Variants in PTPRC observed in about 807,000 individuals in gnomAD.
PTPRC encodes protein tyrosine phosphatase receptor type C.
A neutral mutation model predicts 155.9 loss-of-function variants in PTPRC; 44 were observed. The ratio of observed to expected loss-of-function variants is 0.28; its 90% confidence interval spans 0.22 to 0.36. PTPRC has a LOEUF of 0.36. Among genes scored for constraint, PTPRC ranks in the 10% least tolerant of loss-of-function variants. PTPRC has a pLI of 1.00. For missense variants in PTPRC, 1,401 were observed against 1,564.6 expected (o/e 0.90, Z 1.76); for synonymous variants, 525 against 533.1 (o/e 0.98, Z 0.21).
intron 15 of PTPRC, among the ~76,000 whole-genome samples, chr1:198,726,572 G>GGTCTTACA (rs1192383467): frequency 4.6e-5 from 7 of 152,142 alleles, no homozygotes; most frequent in Non-Finnish European, 1.0e-4. Flanking sequence ...TTCAAGCTCA[G>GGTCTTACA]GTCTTACAGT....
chr1:198,754,420 CA>C lies in PTPRC; in HGVS notation c.3645+17del, dbSNP rs1571898324. On this transcript the variant is annotated intron_variant, in intron 32 of 32. Coordinates refer to ENST00000442510, the MANE Select transcript of PTPRC (RefSeq NM_002838.5). ...TTCCACATTCGTAAGTATCCTTCAC[CA>C]TTGCTTTTAACATGCTCGGAATTTT... The C allele has an allele frequency of 1.1e-5, 18 of 1,613,180 alleles. 1 individual carries two copies. In the East Asian group the frequency reaches 4.0e-4, roughly 36 times the overall value.
intron 2 of PTPRC, chr1:198,679,192 T>C: frequency 4.9e-6 from 1 of 205,130 alleles, no homozygotes. Flanking sequence ...CTCAGCCTGG[T>C]AACGCTTTCT....
chr1:198,739,278 G>C (rs144254506), intron 23 of PTPRC, among the ~76,000 whole-genome samples: 714 of 99,616 alleles, frequency 7.2e-3, no homozygotes, highest in Non-Finnish European at 0.012. Context: ...AAAATACATA[G>C]AGTGGCTGAA....
At chr1:198,642,690 A>G (rs1378683707) in intron 2 of PTPRC, among the ~76,000 whole-genome samples, 1 of 151,890 alleles carries the variant, frequency 6.6e-6, no homozygotes, top group Non-Finnish European at 1.5e-5. Context: ...CTCACCTGTA[A>G]AATTGTAATA....
intron 2 of PTPRC, among the ~76,000 whole-genome samples, chr1:198,663,108 G>A (rs941649388): frequency 6.6e-6 from 1 of 152,164 alleles, no homozygotes; most frequent in African/African-American, 2.4e-5. Flanking sequence ...ATTACCCACT[G>A]ATGAATAAAG....
rs754092059 is a variant in PTPRC at position 198,756,157 on chromosome 1, T to G, written c.3897T>G (p.Ser1299Arg). ...AACATTCTGTCAATGGTCCTGCAAG[T>G]CCAGCTTTAAATCAAGGTTCATAGG... ...GPEHSVNGPA[S>R]PALNQGS The change falls in exon 33 of 33, where the codon AGT (serine) becomes AGG (arginine). Residue 1299 changes from serine to arginine, a missense_variant. Ser to Arg is a moderately radical substitution (Grantham distance 110). Around this residue, in one of 3 missense-constraint regions of PTPRC, gnomAD observed 400 missense variants for 389.5 expected, o/e 1.03. Transcript: ENST00000442510. 4 of 1,613,274 alleles carry G rather than the reference T, an allele frequency of 2.5e-6. No homozygotes were observed. In the South Asian group the frequency reaches 3.3e-5, roughly 13 times the overall value.
At chr1:198,708,591 G>T (rs1459465890) in intron 10 of PTPRC, among the ~76,000 whole-genome samples, 1 of 152,072 alleles carries the variant, frequency 6.6e-6, no homozygotes, top group Non-Finnish European at 1.5e-5. Flanking sequence ...TGAAAGAAGG[G>T]TGTTATAAGG....
Position 198,649,388 on chromosome 1 carries a change from G to A in PTPRC, c.73+10047G>A, listed in dbSNP as rs566704296. On this transcript the variant is annotated intron_variant, in intron 2 of 32. Coordinates refer to ENST00000442510, the MANE Select transcript of PTPRC (RefSeq NM_002838.5). The stretch of plus-strand genomic sequence containing the variant: ...TAATGGCTAAGGAAACATAAATGAA[G>A]CATAAGACATCAGTTGAGAGTTTTG... Among the ~76,000 whole-genome samples the A allele has an allele frequency of 4.6e-5, 7 of 152,000 alleles. 1 individual carries two copies. The highest frequency in any genetic ancestry group is 2.6e-4 in the Admixed American group (4 of 15,206).
At chr1:198,659,130 G>A (rs1037757196) in intron 2 of PTPRC, among the ~76,000 whole-genome samples, 1 of 151,932 alleles carries the variant, frequency 6.6e-6, no homozygotes, top group African/African-American at 2.4e-5. Flanking sequence ...CTTTTTTTAA[G>A]GTTAGAACTC....
At chr1:198,696,260 C>CCTA (rs1040552649) in intron 3 of PTPRC, among the ~76,000 whole-genome samples, 2 of 150,548 alleles carry the variant, frequency 1.3e-5, no homozygotes, top group African/African-American at 4.9e-5. Context: ...CCCCTGGAAC[C>CCTA]CTAGCCCTGC....
At chr1:198,732,228 A>C (rs1654423156) in intron 18 of PTPRC, 72 bp from the exon 19 acceptor site, 1 of 1,193,314 alleles carries the variant, frequency 8.4e-7, no homozygotes, top group Non-Finnish European at 1.2e-6. Context: ...ATTTACTCAA[A>C]ACGGTCATTG....
intron 2 of PTPRC, among the ~76,000 whole-genome samples, chr1:198,682,803 T>C (rs1257871608): frequency 6.6e-6 from 1 of 152,204 alleles, no homozygotes; most frequent in African/African-American, 2.4e-5. Context: ...CATAGGCCTG[T>C]TCACTTTTCT....
intron 2 of PTPRC, among the ~76,000 whole-genome samples, chr1:198,686,044 T>G (rs1256007648): frequency 6.6e-6 from 1 of 151,982 alleles, no homozygotes; most frequent in Non-Finnish European, 1.5e-5. Context: ...TGATTCCTAG[T>G]TTTTGCTGAA....
chr1:198,729,819 G>A (rs1654307317), intron 17 of PTPRC, among the ~76,000 whole-genome samples: 1 of 152,132 alleles, frequency 6.6e-6, no homozygotes, highest in Non-Finnish European at 1.5e-5. Context: ...TAGATATATG[G>A]AAGATAGAAA....
intron 32 of PTPRC, 70 bp downstream of exon 32, chr1:198,754,474 T>C: frequency 6.5e-7 from 1 of 1,535,060 alleles, no homozygotes; most frequent in East Asian, 2.3e-5. Context: ...TTTCCTTTTT[T>C]CTTTTCTCCT....
intron 2 of PTPRC, among the ~76,000 whole-genome samples, chr1:198,683,484 A>T (rs1457744948): frequency 6.6e-6 from 1 of 152,154 alleles, no homozygotes; most frequent in Non-Finnish European, 1.5e-5. Flanking sequence ...ATGAAAACAG[A>T]CATTTTCATA....
chr1:198,716,910 A>G (rs1653617805), intron 13 of PTPRC, 70 bp downstream of exon 13: 1 of 1,417,878 alleles, frequency 7.1e-7, no homozygotes, highest in Non-Finnish European at 9.9e-7. Flanking sequence ...TTAGCCTACA[A>G]TATTTCTATC....
Position 198,718,192 on chromosome 1 carries a change from C to T in PTPRC, c.1549C>T (p.Arg517Cys). 6.2e-7 allele frequency: 1 copy of T among 1,613,598 alleles called. No homozygotes were observed. The highest frequency in any genetic ancestry group is 8.5e-7 in the Non-Finnish European group (1 of 1,179,602). ...PPRDRNGPHE[R>C]YHLEVEAGNT... ...CAGGGACCGTAATGGCCCCCATGAA[C>T]GTTACCATTTGGAAGTTGAAGCTGG... The change falls in exon 14 of 33, where the codon CGT becomes TGT. Residue 517 changes from arginine to cysteine, a missense_variant. By Grantham distance (180) the Arg-to-Cys change is radical (BLOSUM62 -3). This residue lies in a region of PTPRC where 867 missense variants were observed against 970.4 expected (regional missense o/e 0.89). Transcript: ENST00000442510.
intron 2 of PTPRC, among the ~76,000 whole-genome samples, chr1:198,671,955 C>A (rs561049697): frequency 6.6e-6 from 1 of 152,206 alleles, no homozygotes; most frequent in Non-Finnish European, 1.5e-5. Context: ...ATCCATATCT[C>A]TGCATTTTTC....
Sources: allele counts gnomAD v4.1 joint callset (sites outside exome capture counted in the v4.1 genomes callset), GRCh38; gene constraint gnomAD v4.1.1; regional missense constraint gnomAD v4.1.1; transcripts MANE v1.5; gene names NCBI Gene and HGNC (gene_info 2026-07-23, HGNC 2026-07-21).